The following COG5 variants were observed in gnomAD, a reference collection of about 807,000 sequenced individuals.
The protein encoded by COG5 is component of oligomeric golgi complex 5.
A neutral mutation model predicts 110.4 loss-of-function variants in COG5; 86 were observed. The ratio of observed to expected loss-of-function variants is 0.78; its 90% CI spans 0.65 to 0.93. The LOEUF (loss-of-function observed/expected upper bound fraction) is 0.93, where lower values mean the gene tolerates loss of function less well. Among genes scored for constraint, COG5 ranks in the 40% least tolerant of loss-of-function variants. The pLI is 0.00. For synonymous variants in COG5, 360 were observed against 334.6 expected (o/e 1.08, Z -0.83); for missense variants, 1,077 against 987.0 (o/e 1.09, Z -1.22).
At chr7:107,445,931 T>C (rs1794981151) in intron 6 of COG5, among the ~76,000 whole-genome samples, 1 of 152,192 alleles carries the variant, frequency 6.6e-6, no homozygotes, top group South Asian at 2.1e-4. Context: ...GGCCACTGTG[T>C]AGGGATACAC....
At chr7:107,493,943 C>T (rs1029461933) in intron 6 of COG5, among the ~76,000 whole-genome samples, 7 of 152,058 alleles carry the variant, frequency 4.6e-5, no homozygotes, top group African/African-American at 4.8e-5. Context: ...AAAATAATAA[C>T]ATGAAACTAA....
At chr7:107,317,823 G>T (rs1220311383) in intron 11 of COG5, among the ~76,000 whole-genome samples, 2 of 152,166 alleles carry the variant, frequency 1.3e-5, no homozygotes, top group Non-Finnish European at 2.9e-5. Flanking sequence ...AATTAACATA[G>T]ATGTTAGAAT....
intron 7 of COG5, among the ~76,000 whole-genome samples, chr7:107,386,476 G>T (rs1427859321): frequency 6.6e-6 from 1 of 152,092 alleles, no homozygotes; most frequent in Non-Finnish European, 1.5e-5. Flanking sequence ...GAAGCACGAC[G>T]GACCGCCGAA....
At chr7:107,461,401 C>G (rs1391804259) in intron 6 of COG5, among the ~76,000 whole-genome samples, 2 of 151,826 alleles carry the variant, frequency 1.3e-5, no homozygotes, top group Admixed American at 6.6e-5. Context: ...GATAAAAATT[C>G]TCAACAAAGA....
chr7:107,301,186 G>C (rs987804395), intron 11 of COG5, among the ~76,000 whole-genome samples: 1 of 152,054 alleles, frequency 6.6e-6, no homozygotes, highest in Non-Finnish European at 1.5e-5. Flanking sequence ...ACATCTGAGG[G>C]AACTTTTCTG....
chr7:107,259,222 T>C (rs983666795), intron 14 of COG5, among the ~76,000 whole-genome samples: 2 of 152,114 alleles, frequency 1.3e-5, no homozygotes, highest in African/African-American at 4.8e-5. Context: ...TAAAGATAAA[T>C]TAAACTTGAT....
chr7:107,498,952 A>G (rs1344461861), intron 6 of COG5, among the ~76,000 whole-genome samples: 1 of 152,216 alleles, frequency 6.6e-6, no homozygotes, highest in East Asian at 1.9e-4. Context: ...ATAGAACAGA[A>G]TATTATTCCG....
intron 17 of COG5, among the ~76,000 whole-genome samples, chr7:107,239,177 C>G (rs1801429003): frequency 1.3e-5 from 2 of 152,146 alleles, no homozygotes; most frequent in Non-Finnish European, 2.9e-5. Context: ...TCTTCTGCAT[C>G]TGGATATCCA....
chr7:107,550,519 C>T (rs1263798966), intron 3 of COG5, among the ~76,000 whole-genome samples: 2 of 152,160 alleles, frequency 1.3e-5, no homozygotes, highest in African/African-American at 4.8e-5. Context: ...ACTTTCTGCC[C>T]CTCAAACATG....
chr7:107,456,821 G>A (rs1795692417), intron 6 of COG5, among the ~76,000 whole-genome samples: 1 of 152,182 alleles, frequency 6.6e-6, no homozygotes, highest in Admixed American at 6.5e-5. Flanking sequence ...ATGCTAAAAA[G>A]GGAGATACCA....
At chr7:107,226,872 T>C (rs1383380032) in intron 19 of COG5, among the ~76,000 whole-genome samples, 1 of 152,188 alleles carries the variant, frequency 6.6e-6, no homozygotes, top group Non-Finnish European at 1.5e-5. Flanking sequence ...AATATAGAAA[T>C]ATAATGGTAT....
At position 107,332,507 on chromosome 7, in the gene COG5, A is replaced by G. The variant is rs199779286; in HGVS notation, c.1027-7986T>C. 2.5e-4 allele frequency among the ~76,000 whole-genome samples: 38 copies of G among 152,248 alleles called. No individual in the cohort carries two copies. In the East Asian group the frequency reaches 7.1e-3, roughly 29 times the overall value. On this transcript the variant is annotated intron_variant, in intron 10 of 21. Transcript: ENST00000297135. Reference sequence around the variant, plus strand: ...ATATTTTAAAAGGAAGGGGATGAAGAGGAGGAGGAATCAATAAAGGAATTC... The same window carrying G: ...ATATTTTAAAAGGAAGGGGATGAAGGGGAGGAGGAATCAATAAAGGAATTC...
intron 11 of COG5, among the ~76,000 whole-genome samples, chr7:107,314,654 CAGG>C (rs1808573859): frequency 6.6e-6 from 1 of 150,800 alleles, no homozygotes; most frequent in South Asian, 2.1e-4. Context: ...GAGGCTGAGG[CAGG>C]AGAATTGCTT....
chr7:107,230,005 C>T (rs557065510), intron 19 of COG5, among the ~76,000 whole-genome samples: 1 of 152,032 alleles, frequency 6.6e-6, no homozygotes, highest in African/African-American at 2.4e-5. Flanking sequence ...TGTGCACCAC[C>T]ATGCCCAGCT....
chr7:107,331,838 CTCT>C (rs1810274230), intron 10 of COG5, among the ~76,000 whole-genome samples: 1 of 142,922 alleles, frequency 7.0e-6, no homozygotes, highest in Non-Finnish European at 1.5e-5. Context: ...CCCTGCTTGC[CTCT>C]TTTTTTTTTT....
chr7:107,355,866 A>G (rs1812580762), intron 10 of COG5, among the ~76,000 whole-genome samples: 1 of 152,228 alleles, frequency 6.6e-6, no homozygotes, highest in South Asian at 2.1e-4. Context: ...GATTCATGAC[A>G]TACATTTGCA....
At chr7:107,387,812 A>C (rs1280897742) in intron 7 of COG5, among the ~76,000 whole-genome samples, 4 of 152,248 alleles carry the variant, frequency 2.6e-5, no homozygotes, top group Non-Finnish European at 5.9e-5. Flanking sequence ...CAGCCCATAA[A>C]TATCGTGAGT....
intron 19 of COG5, among the ~76,000 whole-genome samples, chr7:107,212,705 A>G (rs1405936178): frequency 6.6e-6 from 1 of 152,216 alleles, no homozygotes; most frequent in Non-Finnish European, 1.5e-5. Flanking sequence ...AGAAAATCCA[A>G]CTAACAATTA....
intron 6 of COG5, chr7:107,470,134 ATGT>A (rs1488801895): frequency 2.0e-5 from 3 of 152,150 alleles, no homozygotes; most frequent in Non-Finnish European, 4.4e-5. Flanking sequence ...CTGAATCTAA[ATGT>A]TGTCTCTGGA....
Sources: allele counts gnomAD v4.1 joint callset (sites outside exome capture counted in the v4.1 genomes callset), GRCh38; gene constraint gnomAD v4.1.1; transcripts MANE v1.5; gene names NCBI Gene and HGNC (gene_info 2026-07-23, HGNC 2026-07-21).